QRFPR: variants seen among roughly 807,000 people sequenced by gnomAD.
QRFPR encodes the protein pyroglutamylated RFamide peptide receptor.
Under a neutral mutation model 31.3 loss-of-function variants are expected in QRFPR, and 37 were observed. The observed-to-expected ratio is 1.18, with a 90% CI of 0.91 to 1.56. QRFPR has a LOEUF of 1.56. Ranked by LOEUF, QRFPR falls within the 40% of genes most tolerant of loss-of-function variation. The pLI is 0.00. For synonymous variants in QRFPR, 197 were observed against 192.0 expected (o/e 1.03, Z -0.22); for missense variants, 542 against 532.5 (o/e 1.02, Z -0.18).
chr4:121,356,821 C>T (rs1194597263), intron 1 of QRFPR, among the ~76,000 whole-genome samples: 1 of 152,038 alleles, frequency 6.6e-6, no homozygotes, highest in African/African-American at 2.4e-5. Flanking sequence ...CTCTCATGGC[C>T]TCCATAGCTG....
chr4:121,352,807 T>C (rs1021487984), intron 1 of QRFPR, among the ~76,000 whole-genome samples: 3 of 152,078 alleles, frequency 2.0e-5, no homozygotes, highest in African/African-American at 7.2e-5. Flanking sequence ...TGCTACCAAA[T>C]ACTACATTTT....
intron 1 of QRFPR, among the ~76,000 whole-genome samples, chr4:121,354,493 T>A (rs1725828327): frequency 6.6e-6 from 1 of 152,062 alleles, no homozygotes. Context: ...TCATATCATC[T>A]GCAAACAAGG....
chr4:121,334,740 A>G (rs56351803), intron 3 of QRFPR: 80,170 of 264,864 alleles, frequency 0.3, 13,045 homozygotes, highest in Middle Eastern at 0.41. Flanking sequence ...TCACTTGAAA[A>G]TTGATAAATA....
chr4:121,380,559 C>G lies in QRFPR; in HGVS notation c.89G>C (p.Arg30Pro). 6.2e-7 allele frequency: 1 copy of G among 1,609,248 alleles called. No homozygotes were observed. The highest frequency in any genetic ancestry group is 8.5e-7 in the Non-Finnish European group (1 of 1,177,920). ...TGGGGTGTAGACGAGCGGTCGCAGCCGGTACAGAGCGATGAACTGCTCCCG... is the reference window on the plus strand; with the variant it reads ...TGGGGTGTAGACGAGCGGTCGCAGCGGGTACAGAGCGATGAACTGCTCCCG... ...LTREQFIALY[R>P]LRPLVYTPEL... is the part of the protein sequence containing the mutation. Residue 30 changes from arginine (R) to proline (P), a missense_variant, in exon 1 of 6, where the codon CGG becomes CCG. By Grantham distance (103) the Arg-to-Pro change is moderately radical (BLOSUM62 -2). Coordinates refer to ENST00000394427, the MANE Select transcript of QRFPR (RefSeq NM_198179.3).
chr4:121,370,847 A>G (rs1291056136), intron 1 of QRFPR, among the ~76,000 whole-genome samples: 1 of 152,246 alleles, frequency 6.6e-6, no homozygotes, highest in Non-Finnish European at 1.5e-5. Flanking sequence ...CATTATATGC[A>G]TTAATATTTT....
rs1052754699 is a variant in QRFPR at position 121,331,494 on chromosome 4, T to C, written c.798-971A>G. 2.6e-5 allele frequency among the ~76,000 whole-genome samples: 4 copies of C among 151,696 alleles called. No individual in the cohort carries two copies. The East Asian group carries it at 7.7e-4, about 29-fold the overall frequency. Reference sequence around the variant, plus strand: ...CCACCACACCCGGCCTGATATATCTTAAAAACATGATTAACCAGGGCTTCA... The same window carrying C: ...CCACCACACCCGGCCTGATATATCTCAAAAACATGATTAACCAGGGCTTCA... On this transcript the variant is annotated intron_variant, in intron 4 of 5. Transcript: ENST00000394427.
chr4:121,334,793 C>T (rs999845684), intron 3 of QRFPR, among the ~76,000 whole-genome samples: 12 of 152,254 alleles, frequency 7.9e-5, no homozygotes, highest in East Asian at 3.9e-4. Flanking sequence ...AAGCAGAGAG[C>T]GGCAGTGAGA....
intron 4 of QRFPR, among the ~76,000 whole-genome samples, chr4:121,331,611 ACTCATT>A (rs966401834): frequency 2.1e-5 from 3 of 145,492 alleles, no homozygotes; most frequent in Admixed American, 7.1e-5. Flanking sequence ...AAAAACTCAT[ACTCATT>A]ATCTCATTAT....
At chr4:121,362,039 C>T (rs758247431) in intron 1 of QRFPR, among the ~76,000 whole-genome samples, 1 of 150,210 alleles carries the variant, frequency 6.7e-6, no homozygotes, top group African/African-American at 2.5e-5. Flanking sequence ...CAATTGTCTG[C>T]AATATTCTAT....
chr4:121,331,526 T>C (rs759326661), intron 4 of QRFPR, among the ~76,000 whole-genome samples: 27 of 151,660 alleles, frequency 1.8e-4, no homozygotes, highest in Non-Finnish European at 3.8e-4. Context: ...TTCAAACTAA[T>C]TTTCTCCATG....
At chr4:121,332,015 C>T (rs1263970253) in intron 4 of QRFPR, among the ~76,000 whole-genome samples, 4 of 152,030 alleles carry the variant, frequency 2.6e-5, no homozygotes, top group Non-Finnish European at 4.4e-5. Flanking sequence ...ACCAACTTAA[C>T]GATAGGTCCC....
At chr4:121,374,336 T>A (rs1355295442) in intron 1 of QRFPR, among the ~76,000 whole-genome samples, 2 of 152,236 alleles carry the variant, frequency 1.3e-5, no homozygotes, top group Non-Finnish European at 2.9e-5. Context: ...ATATAATAGC[T>A]ATATTGAGCT....
intron 1 of QRFPR, among the ~76,000 whole-genome samples, 159 bp from the exon 2 acceptor site, chr4:121,340,769 C>T (rs1725528432): frequency 6.6e-6 from 1 of 152,146 alleles, no homozygotes; most frequent in Non-Finnish European, 1.5e-5. Context: ...AAAAACATTG[C>T]ATTGGTTTAT....
In QRFPR at chr4:121,340,601, A is replaced by C; in HGVS notation, c.350T>G (p.Ile117Ser). 6.2e-7 allele frequency: 1 copy of C among 1,613,724 alleles called. No homozygotes were observed. The highest frequency in any genetic ancestry group is 1.7e-5 in the Admixed American group (1 of 59,980). The change falls in exon 2 of 6, where the codon ATT becomes AGT. Residue 117 changes from isoleucine to serine, a missense_variant. By Grantham distance (142) the Ile-to-Ser change is moderately radical. Transcript: ENST00000394427. ...ISDNWLGGAF[I>S]CKMVPFVQST... ...CTGGACAAATGGCACCATCTTGCAA[A>C]TGAAAGCACCTGCAGTAAGGAAATA...
At chr4:121,343,508 G>GA (rs1725583321) in intron 1 of QRFPR, among the ~76,000 whole-genome samples, 1 of 151,980 alleles carries the variant, frequency 6.6e-6, no homozygotes, top group Admixed American at 6.6e-5. Flanking sequence ...CCAACGGTGG[G>GA]AATTTACTTT....
intron 1 of QRFPR, among the ~76,000 whole-genome samples, chr4:121,376,565 T>G (rs899822557): frequency 3.9e-5 from 6 of 151,948 alleles, no homozygotes; most frequent in Non-Finnish European, 5.9e-5. Context: ...TTTCACTTTT[T>G]TAAAAAACAG....
At chr4:121,351,882 C>T (rs1725767533) in intron 1 of QRFPR, among the ~76,000 whole-genome samples, 1 of 149,416 alleles carries the variant, frequency 6.7e-6, no homozygotes, top group South Asian at 2.1e-4. Context: ...TTGGGGTATG[C>T]CAATATAATG....
intron 1 of QRFPR, chr4:121,369,641 G>T: frequency 6.2e-7 from 1 of 1,600,206 alleles, no homozygotes; most frequent in Non-Finnish European, 8.6e-7. Context: ...AAAACTTCCA[G>T]AATCATACTT....
At chr4:121,366,889 C>T (rs1726142754) in intron 1 of QRFPR, among the ~76,000 whole-genome samples, 1 of 138,836 alleles carries the variant, frequency 7.2e-6, no homozygotes, top group South Asian at 2.5e-4. Context: ...TTCCACTTCT[C>T]TGCAGTGCAT....
Sources: gnomAD v4.1 joint callset for allele counts (sites outside exome capture counted in the v4.1 genomes callset) on GRCh38, gnomAD v4.1.1 for gene constraint, MANE v1.5 for transcripts, NCBI Gene and HGNC (gene_info 2026-07-23, HGNC 2026-07-21) for gene names.